Variants in CPE observed in about 807,000 individuals in gnomAD.
The protein encoded by CPE is carbocypeptidase E.
Under a neutral mutation model 53.5 loss-of-function variants are expected in CPE, and 17 were observed. That is an observed-to-expected ratio of 0.32 (90% confidence interval 0.22 to 0.48). The LOEUF (loss-of-function observed/expected upper bound fraction) is 0.48, where lower values mean the gene tolerates loss of function less well. Among genes scored for constraint, CPE ranks in the 20% least tolerant of loss-of-function variants. The probability of loss-of-function intolerance (pLI) is 0.99; values close to 1 mark genes in which losing one functional copy is unlikely to be tolerated. For synonymous variants in CPE, 226 were observed against 228.8 expected, an observed-to-expected ratio of 0.99 and a Z score of 0.11; for missense variants, 524 against 614.7, an observed-to-expected ratio of 0.85 and a Z score of 1.56.
intron 6 of CPE, among the ~76,000 whole-genome samples, chr4:165,492,110 A>G (rs1031885350): frequency 6.6e-6 from 1 of 152,176 alleles, no homozygotes; most frequent in African/African-American, 2.4e-5. Flanking sequence ...CAGTTTTTGT[A>G]GTTTGCAGTG....
At chr4:165,423,306 A>G (rs1641738600) in intron 1 of CPE, among the ~76,000 whole-genome samples, 1 of 152,144 alleles carries the variant, frequency 6.6e-6, no homozygotes, top group South Asian at 2.1e-4. Context: ...TTTTCCTTTT[A>G]GCTTAGTGAT....
intron 1 of CPE, among the ~76,000 whole-genome samples, chr4:165,402,052 G>T (rs939567143): frequency 2.0e-5 from 3 of 152,208 alleles, no homozygotes; most frequent in East Asian, 1.9e-4. Flanking sequence ...TTTTATATCA[G>T]TTCTTTCTTC....
chr4:165,460,585 G>A (rs1297089115), intron 1 of CPE, among the ~76,000 whole-genome samples: 2 of 152,086 alleles, frequency 1.3e-5, no homozygotes, highest in East Asian at 3.9e-4. Context: ...GCTGCCTCAA[G>A]CCCCCTTCAG....
In CPE at chr4:165,473,383, C is replaced by T. The variant is rs373085154; in HGVS notation, c.672+5528C>T. 7.2e-5 allele frequency among the ~76,000 whole-genome samples: 11 copies of T among 152,220 alleles called. 1 individual carries two copies. Among genetic ancestry groups the T allele is most frequent in the Admixed American group, 3.3e-4 (5 of 15,294 alleles). ...GAATTATATTAAAGTCATTTTCTTT[C>T]TGTTAGGAAGTTAAGGTTTGTACTG... On this transcript the variant is annotated intron_variant, in intron 3 of 8. Transcript: ENST00000402744.
Position 165,498,304 on chromosome 4 carries a change from G to C in CPE, c.*694G>C, listed in dbSNP as rs1732741737. On this transcript the variant is annotated 3_prime_UTR_variant, in exon 9 of 9. Transcript: ENST00000402744. Reference sequence around the variant, plus strand: ...AGAATTGCATTCTGAATGAATAAAGGTTAAAAAAAAATCCCCAGTGCATGT... The same window carrying C: ...AGAATTGCATTCTGAATGAATAAAGCTTAAAAAAAAATCCCCAGTGCATGT... The C allele has an allele frequency of 6.6e-6, 1 of 151,910 alleles. No individual in the cohort carries two copies. Among genetic ancestry groups the C allele is most frequent in the Non-Finnish European group, 1.5e-5 (1 of 67,970 alleles). The allele number at this position is 151,910 out of a possible 1,614,324, so 9.4% of individuals were successfully genotyped here.
At chr4:165,405,292 TG>T in intron 1 of CPE, 2 of 1,146,828 alleles carry the variant, frequency 1.7e-6, no homozygotes, top group Non-Finnish European at 2.6e-6. Flanking sequence ...CATCCTTCTG[TG>T]GAGCTCCAGA....
In CPE at chr4:165,493,261, G is replaced by GTTAC; in HGVS notation, c.1205_1208dup (p.Ser404TyrfsTer7). 6.2e-7 allele frequency: 1 copy of GTTAC among 1,613,102 alleles called. No homozygotes were observed. Among genetic ancestry groups the GTTAC allele is most frequent in the Non-Finnish European group, 8.5e-7 (1 of 1,179,104 alleles). On this transcript the variant is annotated frameshift_variant, in exon 7 of 9. Transcript: ENST00000402744. LOFTEE classifies it high-confidence loss of function. ...CTCCGTGGAAGGAATAGACCACGAT[G>GTTAC]TTACATCCGGTGGGTCTTTGCCACA...
At chr4:165,397,566 G>A (rs1454819414) in intron 1 of CPE, among the ~76,000 whole-genome samples, 1 of 152,146 alleles carries the variant, frequency 6.6e-6, no homozygotes, top group Admixed American at 6.5e-5. Context: ...ATGTTGCCAT[G>A]TTCTTAGACA....
At chr4:165,473,440 G>C (rs1236578293) in intron 3 of CPE, among the ~76,000 whole-genome samples, 2 of 152,236 alleles carry the variant, frequency 1.3e-5, no homozygotes, top group Non-Finnish European at 2.9e-5. Context: ...TGAAGGGGGA[G>C]CAGAGAAGAA....
At chr4:165,422,190 A>AT (rs1731235183) in intron 1 of CPE, among the ~76,000 whole-genome samples, 1 of 152,038 alleles carries the variant, frequency 6.6e-6, no homozygotes, top group Non-Finnish European at 1.5e-5. Context: ...ATAGATTTTA[A>AT]TTTTTTTCTT....
chr4:165,402,827 A>T (rs1730891127), intron 1 of CPE, among the ~76,000 whole-genome samples: 1 of 152,224 alleles, frequency 6.6e-6, no homozygotes, highest in African/African-American at 2.4e-5. Context: ...ATGTCACAAA[A>T]AGACTTACTC....
chr4:165,434,595 A>C (rs1052668016), intron 1 of CPE, among the ~76,000 whole-genome samples: 45 of 152,086 alleles, frequency 3.0e-4, no homozygotes, highest in Admixed American at 2.9e-3. Flanking sequence ...AACTCGGTGG[A>C]ACGATGAGCA....
At chr4:165,442,239 T>C (rs1731627917) in intron 1 of CPE, among the ~76,000 whole-genome samples, 1 of 151,968 alleles carries the variant, frequency 6.6e-6, no homozygotes, top group African/African-American at 2.4e-5. Context: ...AGACAGAGTC[T>C]TGCGATGTTG....
At chr4:165,459,320 G>A (rs1297371474) in intron 1 of CPE, among the ~76,000 whole-genome samples, 5 of 152,106 alleles carry the variant, frequency 3.3e-5, no homozygotes, top group African/African-American at 7.2e-5. Flanking sequence ...TTATTCTGAC[G>A]AGAATGCAAA....
intron 4 of CPE, among the ~76,000 whole-genome samples, chr4:165,482,564 A>G (rs1282426803): frequency 6.6e-6 from 1 of 152,170 alleles, no homozygotes; most frequent in Non-Finnish European, 1.5e-5. Flanking sequence ...TCACTTTTTC[A>G]ATAGGTTAGG....
chr4:165,452,358 G>A (rs1038937420), intron 1 of CPE, among the ~76,000 whole-genome samples: 2 of 151,962 alleles, frequency 1.3e-5, no homozygotes, highest in Non-Finnish European at 2.9e-5. Flanking sequence ...ACCCAAATTC[G>A]ATCATTGCAT....
intron 1 of CPE, among the ~76,000 whole-genome samples, chr4:165,383,114 T>C (rs17624818): frequency 0.13 from 19,607 of 152,134 alleles, 1,309 homozygotes; most frequent in South Asian, 0.16. Flanking sequence ...GGACCCCAGA[T>C]GGGTTTCCTC....
At chr4:165,496,733 A>G (rs894745116) in intron 8 of CPE, among the ~76,000 whole-genome samples, 2 of 152,118 alleles carry the variant, frequency 1.3e-5, no homozygotes, top group East Asian at 1.9e-4. Context: ...TGGCTTGGAC[A>G]CATACGTGCT....
At chr4:165,419,909 C>T (rs561555190) in intron 1 of CPE, among the ~76,000 whole-genome samples, 8 of 152,248 alleles carry the variant, frequency 5.3e-5, no homozygotes, top group African/African-American at 1.9e-4. Flanking sequence ...AAGTTGCTAG[C>T]CAATTGAACC....
Sources: allele counts gnomAD v4.1 joint callset (sites outside exome capture counted in the v4.1 genomes callset), GRCh38; gene constraint gnomAD v4.1.1; transcripts MANE v1.5; gene names NCBI Gene and HGNC (gene_info 2026-07-23, HGNC 2026-07-21).